Variants in ZNF138 observed in about 807,000 individuals in gnomAD.
ZNF138 encodes zinc finger protein 138 (clone pHZ-32).
A neutral mutation model predicts 33.0 loss-of-function variants in ZNF138; 33 were observed. That is an observed-to-expected ratio of 1.00 (90% confidence interval 0.76 to 1.34). ZNF138 has a LOEUF of 1.34. Among genes scored for constraint, ZNF138 ranks in the 40% most tolerant of loss-of-function variants. The probability of loss-of-function intolerance (pLI) is 0.00; values close to 1 mark genes in which losing one functional copy is unlikely to be tolerated. For synonymous variants in ZNF138, 139 were observed against 120.4 expected (o/e 1.15, Z -1.01); for missense variants, 360 against 370.8 (o/e 0.97, Z 0.24).
In ZNF138 at chr7:64,832,271, C is replaced by T. The variant is rs1790154227; in HGVS notation, c.*69C>T. The T allele has an allele frequency of 2.5e-6, 4 of 1,597,530 alleles. No homozygotes were observed. The highest frequency in any genetic ancestry group is 1.3e-5 in the African/African-American group (1 of 74,140). ...ACAAATGTGAAGAATGTGGCAAAGC[C>T]TTTAACCAGTTTTCAACCCTTATTA... On this transcript the variant is annotated 3_prime_UTR_variant, in exon 4 of 4. Transcript: ENST00000307355.
At chr7:64,837,135 A>T (rs921554309), downstream of ZNF138, among the ~76,000 whole-genome samples, 22 of 152,160 alleles carry the variant, frequency 1.4e-4, no homozygotes, top group African/African-American at 4.6e-4. Flanking sequence ...TATTTGATTT[A>T]AAGAGTTTCA....
the ZNF138 span, among the ~76,000 whole-genome samples, chr7:64,850,916 G>A: frequency 2.6e-5 from 4 of 152,040 alleles, no homozygotes; most frequent in Non-Finnish European, 5.9e-5. Flanking sequence ...CAGTCTGGGG[G>A]TATAATAGTA....
At chr7:64,848,657 A>G in the ZNF138 span, among the ~76,000 whole-genome samples, 61 of 137,300 alleles carry the variant, frequency 4.4e-4, no homozygotes, top group Non-Finnish European at 8.6e-4. Flanking sequence ...TAAATCAGGG[A>G]TTTCTTCTTG....
At chr7:64,846,681 G>T in the ZNF138 span, among the ~76,000 whole-genome samples, 1 of 152,146 alleles carries the variant, frequency 6.6e-6, no homozygotes, top group Admixed American at 6.5e-5. Flanking sequence ...GTGCTTTCTA[G>T]GTATACAATT....
intron 1 of ZNF138, among the ~76,000 whole-genome samples, chr7:64,798,907 C>CTT (rs34358558): frequency 3.1e-4 from 41 of 130,172 alleles, no homozygotes; most frequent in African/African-American, 8.8e-4. Context: ...TTCTATGAGC[C>CTT]TTTTTTTTTT....
In ZNF138 at chr7:64,831,627, CAATGTTTGAA is replaced by C. The variant is rs1790090019; in HGVS notation, c.389_398del (p.Cys130LeufsTer13). The C allele has an allele frequency of 1.2e-6, 2 of 1,609,276 alleles. No homozygotes were observed. Among genetic ancestry groups the C allele is most frequent in the African/African-American group, 2.7e-5 (2 of 74,622 alleles). On this transcript the variant is annotated frameshift_variant, in exon 4 of 4. Transcript: ENST00000307355. LOFTEE classifies it high-confidence loss of function. The stretch of plus-strand genomic sequence containing the variant: ...CCAAGGAGGTTTTAATGGACTTAAC[CAATGTTTGAA>C]AATTACCACAAGCAAAATATTTCAA...
At chr7:64,801,580 T>A (rs1760885230) in intron 1 of ZNF138, among the ~76,000 whole-genome samples, 2 of 152,214 alleles carry the variant, frequency 1.3e-5, no homozygotes, top group Admixed American at 6.5e-5. Context: ...TTATTTTGGA[T>A]TGCGTGGTCA....
At chr7:64,819,314 A>G (rs1336267144) in intron 3 of ZNF138, among the ~76,000 whole-genome samples, 1 of 151,268 alleles carries the variant, frequency 6.6e-6, no homozygotes, top group Non-Finnish European at 1.5e-5. Context: ...TATAATGAAT[A>G]TATATTTCCT....
At chr7:64,815,726 G>T in intron 3 of ZNF138, 73 bp downstream of exon 3, 1 of 1,355,342 alleles carries the variant, frequency 7.4e-7, no homozygotes, top group Non-Finnish European at 1.0e-6. Context: ...TCCTTTAAAT[G>T]TGATTTGGAA....
intron 3 of ZNF138, among the ~76,000 whole-genome samples, chr7:64,820,949 T>C (rs941821284): frequency 6.6e-6 from 1 of 151,514 alleles, no homozygotes; most frequent in Non-Finnish European, 1.5e-5. Context: ...ACAATCAACA[T>C]GGAGTTTATT....
chr7:64,822,591 T>C (rs1167072473), intron 3 of ZNF138, among the ~76,000 whole-genome samples: 1 of 148,382 alleles, frequency 6.7e-6, no homozygotes, highest in Non-Finnish European at 1.5e-5. Context: ...GAAGATCATT[T>C]GATCATATAT....
intron 3 of ZNF138, 60 bp downstream of exon 3, chr7:64,815,713 C>T: frequency 7.2e-7 from 1 of 1,397,374 alleles, no homozygotes; most frequent in Non-Finnish European, 9.9e-7. Context: ...AGGAGAAGAC[C>T]ACTCCTTTAA....
chr7:64,831,011 G>A (rs2129015940), intron 3 of ZNF138: 1 of 1,551,822 alleles, frequency 6.4e-7, no homozygotes, highest in East Asian at 2.4e-5. Flanking sequence ...ATTTGTTTCA[G>A]CACTTTATGT....
At chr7:64,822,902 CAA>C (rs1382224566) in intron 3 of ZNF138, among the ~76,000 whole-genome samples, 1 of 151,008 alleles carries the variant, frequency 6.6e-6, no homozygotes, top group Non-Finnish European at 1.5e-5. Flanking sequence ...TTTTTTGAGA[CAA>C]AGTTTCACTC....
chr7:64,794,716 T>G, intron 1 of ZNF138, 145 bp downstream of exon 1: 1 of 1,256,878 alleles, frequency 8.0e-7, no homozygotes. Context: ...CGGCCCTCAG[T>G]CCCCTTAAGC....
chr7:64,794,682 C>G lies in ZNF138; in HGVS notation c.3+111C>G, dbSNP rs150469632. 3,363 of 1,518,392 alleles carry G rather than the reference C, an allele frequency of 2.2e-3. 7 individuals are homozygous for G. The highest frequency in any genetic ancestry group is 5.7e-3 in the East Asian group (247 of 43,522). 94.1% of individuals were successfully genotyped at this position (1,518,392 alleles called of 1,614,324 possible). A position where few individuals can be genotyped will look rare whatever the true frequency, so the allele number is the denominator to read the frequency against. Reference sequence around the variant, plus strand: ...TTCCCGCAGTCGGCTGCAAAATCCGCGGCCCCGAGTTCTTGGCACAGCTCG... The same window carrying G: ...TTCCCGCAGTCGGCTGCAAAATCCGGGGCCCCGAGTTCTTGGCACAGCTCG... On this transcript the variant is annotated intron_variant, in intron 1 of 3. Coordinates refer to ENST00000307355, the MANE Select transcript of ZNF138 (RefSeq NM_001271639.2).
At chr7:64,800,134 C>T (rs1787028695) in intron 1 of ZNF138, among the ~76,000 whole-genome samples, 1 of 152,158 alleles carries the variant, frequency 6.6e-6, no homozygotes, top group East Asian at 1.9e-4. Flanking sequence ...ATTATGTTGT[C>T]TGTGAACAGG....
chr7:64,838,183 G>A (rs921582805), downstream of ZNF138, among the ~76,000 whole-genome samples: 1 of 152,218 alleles, frequency 6.6e-6, no homozygotes, highest in Admixed American at 6.5e-5. Context: ...TCCAGTTGGA[G>A]GAGCTGGAGG....
At chr7:64,835,424 G>A (rs938146627), downstream of ZNF138, 3 of 152,084 alleles carry the variant, frequency 2.0e-5, no homozygotes, top group African/African-American at 2.4e-5. Flanking sequence ...ACTGTACTAG[G>A]ATTGGGGCAA....
Sources: allele counts gnomAD v4.1 joint callset (sites outside exome capture counted in the v4.1 genomes callset), GRCh38; gene constraint gnomAD v4.1.1; transcripts MANE v1.5; gene names NCBI Gene and HGNC (gene_info 2026-07-23, HGNC 2026-07-21).